Variants in MAMLD1 observed in about 807,000 individuals in gnomAD.
The protein encoded by MAMLD1 is mastermind like domain containing 1.
MAMLD1 carries 14 observed loss-of-function variants against 45.0 expected under a neutral mutation model. The observed-to-expected ratio is 0.31, with a 90% CI of 0.21 to 0.49. The LOEUF (loss-of-function observed/expected upper bound fraction) is 0.49. Among genes scored for constraint, MAMLD1 ranks in the 20% least tolerant of loss-of-function variants. The pLI, the probability that MAMLD1 is intolerant of heterozygous loss-of-function variation, is 0.99. For missense variants in MAMLD1, 543 were observed against 603.6 expected, an observed-to-expected ratio of 0.90 and a Z score of 1.05; for synonymous variants, 254 against 247.8, an observed-to-expected ratio of 1.02 and a Z score of -0.24.
intron 6 of MAMLD1, among the ~76,000 whole-genome samples, chrX:150,508,289 G>A (rs978441205): frequency 4.0e-4 from 45 of 112,392 alleles, no homozygotes; most frequent in African/African-American, 1.4e-3. Flanking sequence ...GTTGCTAGAT[G>A]ACATAAAATA....
At chrX:150,416,809 T>G (rs1390253985) in intron 1 of MAMLD1, among the ~76,000 whole-genome samples, 1 of 112,277 alleles carries the variant, frequency 8.9e-6, no homozygotes, top group Non-Finnish European at 1.9e-5. Context: ...TGGAGATAAT[T>G]TATTTCATCA....
intron 3 of MAMLD1, among the ~76,000 whole-genome samples, chrX:150,468,834 A>G (rs781884214): frequency 9.0e-6 from 1 of 111,307 alleles, no homozygotes; most frequent in Non-Finnish European, 1.9e-5. Context: ...TTTTTGGATT[A>G]TGAGTCGTTC....
At chrX:150,366,945 C>T (rs868935259) in intron 1 of MAMLD1, among the ~76,000 whole-genome samples, 1 of 109,481 alleles carries the variant, frequency 9.1e-6, no homozygotes, top group Non-Finnish European at 1.9e-5. Flanking sequence ...AGCATTCTTT[C>T]CCCCCTTTCC....
At chrX:150,416,850 A>G (rs1162004175) in intron 1 of MAMLD1, among the ~76,000 whole-genome samples, 10 of 112,179 alleles carry the variant, frequency 8.9e-5, no homozygotes, top group South Asian at 3.7e-4. Flanking sequence ...TTTTCTTCAC[A>G]TGAGATGGGA....
chrX:150,374,419 C>T (rs1389957419), intron 1 of MAMLD1, among the ~76,000 whole-genome samples: 4 of 112,191 alleles, frequency 3.6e-5, no homozygotes, highest in East Asian at 2.8e-4. Context: ...TCAAAAGAGA[C>T]GGTGTTGGTG....
chrX:150,440,808 CTCTATTGTTTT>C (rs1165404215), intron 1 of MAMLD1, among the ~76,000 whole-genome samples: 2 of 104,341 alleles, frequency 1.9e-5, no homozygotes, highest in African/African-American at 6.9e-5. Flanking sequence ...TATTGGGTTT[CTCTATTGTTTT>C]TCTCTCTTTA....
chrX:150,416,541 A>G (rs1176298645), intron 1 of MAMLD1, among the ~76,000 whole-genome samples: 1 of 111,826 alleles, frequency 8.9e-6, no homozygotes, highest in Non-Finnish European at 1.9e-5. Context: ...TGCCTATAAA[A>G]TTGCATTTGT....
At chrX:150,365,043 G>A (rs1557400661) in intron 1 of MAMLD1, among the ~76,000 whole-genome samples, 1 of 112,217 alleles carries the variant, frequency 8.9e-6, no homozygotes, top group Non-Finnish European at 1.9e-5. Flanking sequence ...GGCCCCTGGA[G>A]GCCGCGCAGC....
At chrX:150,401,681 C>T (rs1453027293) in intron 1 of MAMLD1, among the ~76,000 whole-genome samples, 1 of 111,804 alleles carries the variant, frequency 8.9e-6, no homozygotes, top group African/African-American at 3.3e-5. Context: ...TACTACAAGG[C>T]TACAGTAACC....
chrX:150,459,297 T>C lies in MAMLD1; in HGVS notation c.97-3475T>C, dbSNP rs1324926732. Among the ~76,000 whole-genome samples, 3 of 112,072 alleles carry C rather than the reference T, an allele frequency of 2.7e-5. No homozygotes were observed. In the East Asian group the frequency reaches 8.5e-4, roughly 32 times the overall value. On this transcript the variant is annotated intron_variant, in intron 2 of 7. Coordinates refer to ENST00000370401, the MANE Select transcript of MAMLD1 (RefSeq NM_005491.5). ...TAACCTCATAAGGTTACACTGAAGA[T>C]GAAAGGAATTGATGTAGTTAACAGG... is the stretch of plus-strand genomic sequence containing the variant.
Position 150,390,238 on chromosome X carries a change from G to A in MAMLD1, c.-64+26708G>A, listed in dbSNP as rs141827869. Among the ~76,000 whole-genome samples the A allele has an allele frequency of 8.6e-3, 955 of 111,346 alleles. 10 individuals carry two copies. The highest frequency in any genetic ancestry group is 0.029 in the African/African-American group (888 of 30,632). The stretch of plus-strand genomic sequence containing the variant: ...GCGCCACCATGCCTGGTTAATTTTC[G>A]TATGCTTTGTACTCTGCCAACCTCT... On this transcript the variant is annotated intron_variant, in intron 1 of 7. Coordinates refer to ENST00000370401, the MANE Select transcript of MAMLD1 (RefSeq NM_005491.5).
chrX:150,446,816 C>G (rs1273728883), intron 2 of MAMLD1, among the ~76,000 whole-genome samples: 1 of 112,597 alleles, frequency 8.9e-6, no homozygotes. Context: ...CTTTTATGAT[C>G]AACAATTGAG....
At chrX:150,422,697 G>A (rs781970463) in intron 1 of MAMLD1, among the ~76,000 whole-genome samples, 2 of 112,062 alleles carry the variant, frequency 1.8e-5, no homozygotes, top group African/African-American at 3.2e-5. Context: ...GATTACAGAC[G>A]TGAGCCACTG....
At chrX:150,402,093 C>T (rs1391562563) in intron 1 of MAMLD1, among the ~76,000 whole-genome samples, 1 of 111,197 alleles carries the variant, frequency 9.0e-6, no homozygotes, top group Non-Finnish European at 1.9e-5. Flanking sequence ...AACTAAAGAG[C>T]TTCTGCACAG....
At chrX:150,433,850 AAT>A (rs2035033001) in intron 1 of MAMLD1, among the ~76,000 whole-genome samples, 1 of 111,612 alleles carries the variant, frequency 9.0e-6, no homozygotes, top group South Asian at 3.7e-4. Context: ...ATTCATCAAG[AAT>A]ATTGGCCGTA....
rs183060600 is a variant in MAMLD1, at chrX:150,429,504, C to A, written c.-63-15950C>A. ...AACACAGTAAAGAGGCCCCCCTGTA[C>A]CTTACATCTAGTTTTCCCCAGTGGT... On this transcript the variant is annotated intron_variant, in intron 1 of 7. Transcript: ENST00000370401. 8.8e-3 allele frequency among the ~76,000 whole-genome samples: 976 copies of A among 110,796 alleles called. 9 individuals carry two copies. The highest frequency in any genetic ancestry group is 0.03 in the African/African-American group (928 of 30,472).
chrX:150,393,637 T>G (rs2033281441), intron 1 of MAMLD1, among the ~76,000 whole-genome samples: 1 of 112,303 alleles, frequency 8.9e-6, no homozygotes, highest in African/African-American at 3.2e-5. Context: ...CTAATAGGTG[T>G]GTAGCCGTTA....
chrX:150,475,884 G>A (rs1485291304), intron 5 of MAMLD1, among the ~76,000 whole-genome samples: 1 of 112,232 alleles, frequency 8.9e-6, no homozygotes, highest in Non-Finnish European at 1.9e-5. Flanking sequence ...TCCGGGGCCT[G>A]ATGAATTTCC....
At chrX:150,386,298 C>T (rs1209378316) in intron 1 of MAMLD1, among the ~76,000 whole-genome samples, 9 of 111,557 alleles carry the variant, frequency 8.1e-5, no homozygotes, top group African/African-American at 2.9e-4. Context: ...TCCAGACTTT[C>T]ATGATGTTCT....
Sources: allele counts gnomAD v4.1 joint callset (sites outside exome capture counted in the v4.1 genomes callset), GRCh38; gene constraint gnomAD v4.1.1; transcripts MANE v1.5; gene names NCBI Gene and HGNC (gene_info 2026-07-23, HGNC 2026-07-21).